ARHGEF4: variants seen among roughly 807,000 people sequenced by gnomAD.
The protein encoded by ARHGEF4 is Rho guanine nucleotide exchange factor 4.
In ARHGEF4, 119 loss-of-function variants were observed where a neutral mutation model predicts 162.0. The observed-to-expected ratio is 0.73, with a 90% CI of 0.63 to 0.86. ARHGEF4 has a LOEUF of 0.86. ARHGEF4 is among the 40% of genes least tolerant of loss of function. The pLI is 0.00. For missense variants in ARHGEF4, 2,488 were observed against 2,456.0 expected, an observed-to-expected ratio of 1.01 and a Z score of -0.28; for synonymous variants, 1,014 against 979.9, an observed-to-expected ratio of 1.03 and a Z score of -0.65.
chr2:130,901,496 T>G (rs541566606), intron 1 of ARHGEF4, among the ~76,000 whole-genome samples: 4 of 151,758 alleles, frequency 2.6e-5, no homozygotes, highest in Admixed American at 2.6e-4. Flanking sequence ...GTTGTTCACA[T>G]CTCCCCTGCG....
In ARHGEF4 at chr2:130,915,664, T is replaced by A. The variant is rs1347109752; in HGVS notation, c.1718T>A (p.Val573Asp). 2 of 1,549,726 alleles carry A rather than the reference T, an allele frequency of 1.3e-6. No individual in the cohort carries two copies. Among genetic ancestry groups the A allele is most frequent in the African/African-American group, 2.7e-5 (2 of 72,736 alleles). Residue 573 changes from valine (V) to aspartate (D), a missense_variant, in exon 2 of 14, where the codon GTT (valine) becomes GAT (aspartate). Val to Asp is a radical substitution (Grantham distance 152, BLOSUM62 -3). Transcript: ENST00000409359. ...DTSKAAEEAM[V>D]LDPNYREQAL... ...TCAAAGGCAGCCGAAGAAGCCATGG[T>A]TCTAGACCCCAACTACAGGGAACAG...
chr2:130,931,002 C>T lies in ARHGEF4; in HGVS notation c.3603C>T (p.His1201=). Residue 1201 remains histidine, a synonymous_variant, in exon 3 of 14, where the codon CAC becomes CAT. Coordinates refer to ENST00000409359, the MANE Select transcript of ARHGEF4 (RefSeq NM_001367493.1). ...EPAGEKPSCS[H]SQKAFHMEPA... Reference sequence around the variant, plus strand: ...CAGGTGAGAAGCCCAGTTGCTCTCACAGTCAGAAGGCGTTCCACATGGAGC... The same window carrying T: ...CAGGTGAGAAGCCCAGTTGCTCTCATAGTCAGAAGGCGTTCCACATGGAGC... 1 of 1,613,434 alleles carries T rather than the reference C, an allele frequency of 6.2e-7. No homozygotes were observed.
At chr2:131,043,071 A>G (rs1257272623) in intron 10 of ARHGEF4, among the ~76,000 whole-genome samples, 1 of 152,166 alleles carries the variant, frequency 6.6e-6, no homozygotes, top group African/African-American at 2.4e-5. Context: ...TAATTTTAAT[A>G]ATGTTTCATT....
chr2:130,894,443 C>G (rs1241006784), intron 1 of ARHGEF4, among the ~76,000 whole-genome samples: 7 of 152,036 alleles, frequency 4.6e-5, no homozygotes, highest in African/African-American at 1.7e-4. Flanking sequence ...CCAGTAGTCG[C>G]TTTGGGCCCT....
At position 130,916,198 on chromosome 2, in the gene ARHGEF4, C is replaced by A; in HGVS notation, c.2252C>A (p.Pro751Gln). 2 of 1,547,344 alleles carry A rather than the reference C, an allele frequency of 1.3e-6. No homozygotes were observed. Among genetic ancestry groups the A allele is most frequent in the Non-Finnish European group, 1.7e-6 (2 of 1,146,422 alleles). Residue 751 changes from proline to glutamine, a missense_variant, in exon 2 of 14, where the codon CCG becomes CAG. Pro to Gln is a moderately conservative substitution (Grantham distance 76). Around this residue, in one of 6 missense-constraint regions of ARHGEF4, gnomAD observed 1,642 missense variants for 1,481.5 expected, o/e 1.11. Transcript: ENST00000409359. The part of the protein sequence containing the change: ...SRSSGSGERG[P>Q]EEAPEGGAAA... ...AGCTCCGGGTCAGGGGAGCGTGGCC[C>A]GGAGGAGGCCCCCGAAGGCGGTGCT...
At chr2:130,917,637 C>T in intron 2 of ARHGEF4, 139 bp downstream of exon 2, 3 of 1,129,284 alleles carry the variant, frequency 2.7e-6, no homozygotes, top group Non-Finnish European at 2.4e-6. Flanking sequence ...CCCAGCCGCC[C>T]CCCCTCCCCC....
chr2:130,981,302 C>G (rs1182166099), intron 4 of ARHGEF4, among the ~76,000 whole-genome samples: 3 of 152,120 alleles, frequency 2.0e-5, no homozygotes, highest in Admixed American at 2.0e-4. Flanking sequence ...ATGCCTTCTA[C>G]TAAAAACTAA....
chr2:130,866,985 C>T (rs1212428384), intron 1 of ARHGEF4, among the ~76,000 whole-genome samples: 3 of 152,136 alleles, frequency 2.0e-5, no homozygotes, highest in Non-Finnish European at 4.4e-5. Context: ...TTTGTGAAAC[C>T]ATCTGGGCCT....
At chr2:131,025,722 G>A (rs190484262) in intron 4 of ARHGEF4, among the ~76,000 whole-genome samples, 2 of 152,274 alleles carry the variant, frequency 1.3e-5, no homozygotes, top group African/African-American at 2.4e-5. Context: ...TATCTGGTTG[G>A]GGGGAGTCAG....
At chr2:130,965,263 G>C (rs1249628434) in intron 4 of ARHGEF4, among the ~76,000 whole-genome samples, 2 of 152,226 alleles carry the variant, frequency 1.3e-5, no homozygotes, top group Non-Finnish European at 2.9e-5. Flanking sequence ...GTCGGCTCTG[G>C]CTGGGTTGAG....
At chr2:130,837,841 T>G (rs1237673048) in intron 1 of ARHGEF4, 16 of 70,534 alleles carry the variant, frequency 2.3e-4, no homozygotes, top group Non-Finnish European at 4.0e-4. Flanking sequence ...GGCAGACCTG[T>G]GTGGGGCTGT....
chr2:130,941,008 A>T (rs1683266019), intron 3 of ARHGEF4, among the ~76,000 whole-genome samples: 1 of 152,016 alleles, frequency 6.6e-6, no homozygotes, highest in Non-Finnish European at 1.5e-5. Flanking sequence ...TATAAGCAGG[A>T]GGCAGCCTTT....
At chr2:130,849,452 G>A (rs1480736026) in intron 1 of ARHGEF4, among the ~76,000 whole-genome samples, 1 of 152,132 alleles carries the variant, frequency 6.6e-6, no homozygotes, top group African/African-American at 2.4e-5. Context: ...TTGCTCCTGG[G>A]GGCACCCCAC....
At chr2:130,850,515 G>C (rs987039385) in intron 1 of ARHGEF4, among the ~76,000 whole-genome samples, 2 of 152,200 alleles carry the variant, frequency 1.3e-5, no homozygotes, top group East Asian at 3.9e-4. Context: ...CTGCTGCTCA[G>C]ACTTCCAATT....
At chr2:130,994,366 C>G (rs1687241886) in intron 4 of ARHGEF4, among the ~76,000 whole-genome samples, 1 of 151,982 alleles carries the variant, frequency 6.6e-6, no homozygotes, top group Non-Finnish European at 1.5e-5. Flanking sequence ...AATGTATACA[C>G]TCTTATTATT....
chr2:130,915,837 C>G lies in ARHGEF4; in HGVS notation c.1891C>G (p.Leu631Val), dbSNP rs1003044578. The change falls in exon 2 of 14, where the codon CTC (leucine) becomes GTC (valine). Residue 631 changes from leucine (L) to valine (V), a missense_variant. Transcript: ENST00000409359. ...CGAGGCCTCGAGGGGCAGGGGCGCC[C>G]TCATCATTGTAGCTGTGGAGCAGAA... ...GGEASRGRGALIIVAVEQKGL... is the reference protein window; with the variant it reads ...GGEASRGRGAVIIVAVEQKGL... The G allele has an allele frequency of 3.3e-6, 5 of 1,535,208 alleles. No individual in the cohort carries two copies. The Admixed American group carries it at 6.1e-5, about 19-fold the overall frequency.
chr2:131,020,759 A>G (rs866776952), intron 4 of ARHGEF4, among the ~76,000 whole-genome samples: 1 of 152,182 alleles, frequency 6.6e-6, no homozygotes, highest in African/African-American at 2.4e-5. Context: ...TCCCTGAGGA[A>G]TCGCCACACT....
At chr2:130,975,359 A>G (rs2105232574) in intron 4 of ARHGEF4, among the ~76,000 whole-genome samples, 1 of 152,248 alleles carries the variant, frequency 6.6e-6, no homozygotes, top group South Asian at 2.1e-4. Flanking sequence ...ACCTGAGAGC[A>G]TGCTCTTCAG....
intron 4 of ARHGEF4, chr2:130,964,013 C>G (rs1432776542): frequency 3.5e-6 from 1 of 284,858 alleles, no homozygotes; most frequent in Non-Finnish European, 5.3e-6. Context: ...CAGCCTTCCC[C>G]GAGCCTGTGG....
Sources: allele counts gnomAD v4.1 joint callset (sites outside exome capture counted in the v4.1 genomes callset), GRCh38; gene constraint gnomAD v4.1.1; regional missense constraint gnomAD v4.1.1; transcripts MANE v1.5; gene names NCBI Gene and HGNC (gene_info 2026-07-23, HGNC 2026-07-21).